The following PCDHA2 variants were observed in gnomAD, a reference collection of about 807,000 sequenced individuals.
PCDHA2 encodes protocadherin alpha 2, also known as protocadherin alpha-2.
A neutral mutation model predicts 66.0 loss-of-function variants in PCDHA2; 58 were observed. That is an observed-to-expected ratio of 0.88 (90% CI 0.71 to 1.09). The LOEUF (loss-of-function observed/expected upper bound fraction) is 1.09. Ranked by LOEUF, PCDHA2 falls within the 50% of genes least tolerant of loss-of-function variation. The pLI, the probability that PCDHA2 is intolerant of heterozygous loss-of-function variation, is 0.00. For missense variants in PCDHA2, 1,267 were observed against 1,242.3 expected (o/e 1.02, Z -0.30); for synonymous variants, 634 against 554.0 (o/e 1.14, Z -2.03).
intron 1 of PCDHA2, chr5:140,862,985 G>A: frequency 1.8e-6 from 1 of 547,112 alleles, no homozygotes; most frequent in Non-Finnish European, 3.6e-6. Flanking sequence ...GGTGGCGAAG[G>A]TGCGCACGGT....
intron 3 of PCDHA2, among the ~76,000 whole-genome samples, chr5:140,998,104 G>A (rs1554256160): frequency 6.6e-6 from 1 of 152,132 alleles, no homozygotes; most frequent in African/African-American, 2.4e-5. Context: ...GCAAACAGAG[G>A]AGAAAATTTA....
In PCDHA2 at chr5:140,829,776, C is replaced by A. The variant is rs2150174390; in HGVS notation, c.2388+32424C>A. On this transcript the variant is annotated intron_variant, in intron 1 of 3. Coordinates refer to ENST00000526136, the MANE Select transcript of PCDHA2 (RefSeq NM_018905.3). The stretch of plus-strand genomic sequence containing the variant: ...TTCGTGCTGGACGAGAACGACAACG[C>A]GCCGGCGCTGCTGGCGCCTCGGGTG... The A allele has an allele frequency of 9.3e-6, 15 of 1,613,686 alleles. No homozygotes were observed. In the East Asian group the frequency reaches 3.3e-4, roughly 36 times the overall value.
chr5:140,857,508 C>T, intron 1 of PCDHA2: 3 of 1,598,226 alleles, frequency 1.9e-6, no homozygotes, highest in Non-Finnish European at 2.6e-6. Context: ...CAGGAGAACG[C>T]CCTGGTGTCC....
At chr5:140,984,784 A>G (rs1022121650) in intron 3 of PCDHA2, among the ~76,000 whole-genome samples, 4 of 152,168 alleles carry the variant, frequency 2.6e-5, no homozygotes, top group Non-Finnish European at 4.4e-5. Context: ...TTGCTGGGTG[A>G]GCATAGACAA....
intron 3 of PCDHA2, among the ~76,000 whole-genome samples, chr5:140,984,528 T>C (rs1187541000): frequency 7.2e-5 from 11 of 152,216 alleles, no homozygotes; most frequent in African/African-American, 2.4e-4. Flanking sequence ...ACAGTCTTCA[T>C]GGACTGTGCT....
chr5:140,907,344 C>T (rs548533041), intron 1 of PCDHA2, among the ~76,000 whole-genome samples: 111 of 152,276 alleles, frequency 7.3e-4, no homozygotes, highest in Non-Finnish European at 1.2e-3. Flanking sequence ...TGCATGAGCC[C>T]GCTGCTGCAC....
At chr5:140,856,971 A>C (rs782790207) in intron 1 of PCDHA2, 1 of 1,594,450 alleles carries the variant, frequency 6.3e-7, no homozygotes, top group East Asian at 2.2e-5. Flanking sequence ...GATGCTATTG[A>C]CTTTGAGGAC....
At chr5:140,892,641 T>G (rs2063609688) in intron 1 of PCDHA2, among the ~76,000 whole-genome samples, 1 of 152,226 alleles carries the variant, frequency 6.6e-6, no homozygotes. Flanking sequence ...TTGTACATAT[T>G]TATAGGATAC....
intron 1 of PCDHA2, chr5:140,807,698 A>G: frequency 6.2e-7 from 1 of 1,614,212 alleles, no homozygotes; most frequent in Non-Finnish European, 8.5e-7. Context: ...GCTCACTTAC[A>G]GACTGAGCCC....
chr5:140,969,075 A>G, intron 1 of PCDHA2: 1 of 1,614,184 alleles, frequency 6.2e-7, no homozygotes, highest in Non-Finnish European at 8.5e-7. Flanking sequence ...AGGATACCGC[A>G]TGGCCTCAAA....
intron 1 of PCDHA2, among the ~76,000 whole-genome samples, chr5:140,892,759 T>C (rs1422670120): frequency 2.0e-5 from 3 of 152,206 alleles, no homozygotes; most frequent in African/African-American, 4.8e-5. Context: ...ACATTTAAAA[T>C]CCACTCTTCT....
At chr5:140,833,939 G>A (rs1772729050) in intron 1 of PCDHA2, among the ~76,000 whole-genome samples, 1 of 151,992 alleles carries the variant, frequency 6.6e-6, no homozygotes, top group African/African-American at 2.4e-5. Context: ...TGTCACTTAG[G>A]TTTCTATCTT....
intron 1 of PCDHA2, chr5:140,830,141 G>GC (rs1770847454): frequency 6.2e-7 from 1 of 1,613,282 alleles, no homozygotes; most frequent in East Asian, 2.2e-5. Flanking sequence ...ACGGGCGTCG[G>GC]TGGGCGCCGC....
intron 1 of PCDHA2, chr5:140,855,854 T>A: frequency 1.5e-6 from 1 of 683,620 alleles, no homozygotes; most frequent in South Asian, 2.3e-5. Flanking sequence ...AGCCACCGGA[T>A]GTCGCTGTCG....
chr5:140,887,045 T>C (rs2061271952), intron 1 of PCDHA2, among the ~76,000 whole-genome samples: 1 of 152,108 alleles, frequency 6.6e-6, no homozygotes, highest in Non-Finnish European at 1.5e-5. Context: ...TTTTTTATAG[T>C]GCATATGTTC....
At chr5:140,832,869 C>T (rs1354245484) in intron 1 of PCDHA2, among the ~76,000 whole-genome samples, 1 of 152,030 alleles carries the variant, frequency 6.6e-6, no homozygotes, top group Non-Finnish European at 1.5e-5. Flanking sequence ...TGATGTTTTA[C>T]TGGTTATAAA....
intron 1 of PCDHA2, chr5:140,822,998 T>C (rs2150121149): frequency 6.2e-7 from 1 of 1,614,240 alleles, no homozygotes; most frequent in South Asian, 1.1e-5. Flanking sequence ...TCGTTGGTGC[T>C]GGACAGCGCC....
chr5:140,841,660 G>T (rs2150320374), intron 1 of PCDHA2: 29 of 1,614,122 alleles, frequency 1.8e-5, no homozygotes, highest in Non-Finnish European at 2.5e-5. Context: ...TGGACAGGCC[G>T]CTGCAGGTTT....
rs190183922 is a variant in PCDHA2, at chr5:140,912,839, T to C, written c.2389-66110T>C. ...AGGGATTTTGAATTTTATTAAATGC[T>C]TTTTCAGCATCAATTGAAATGATAT... On this transcript the variant is annotated intron_variant, in intron 1 of 3. Coordinates refer to ENST00000526136, the MANE Select transcript of PCDHA2 (RefSeq NM_018905.3). Among the ~76,000 whole-genome samples the C allele has an allele frequency of 6.6e-5, 10 of 152,356 alleles. No individual in the cohort carries two copies. In the East Asian group the frequency reaches 1.9e-3, roughly 29 times the overall value.
Sources: gnomAD v4.1 joint callset for allele counts (sites outside exome capture counted in the v4.1 genomes callset) on GRCh38, gnomAD v4.1.1 for gene constraint, MANE v1.5 for transcripts, NCBI Gene and HGNC (gene_info 2026-07-23, HGNC 2026-07-21) for gene names.